DNAH9: variants seen among roughly 807,000 people sequenced by gnomAD.
The protein encoded by DNAH9 is DNAH9 variant protein.
In DNAH9, 345 loss-of-function variants were observed where a neutral mutation model predicts 471.6. The observed-to-expected ratio is 0.73, with a 90% CI of 0.67 to 0.80. The LOEUF is 0.80. Among genes scored for constraint, DNAH9 ranks in the 30% least tolerant of loss-of-function variants. The pLI, the probability that DNAH9 is intolerant of heterozygous loss-of-function variation, is 0.00. For synonymous variants in DNAH9, 2,093 were observed against 2,123.6 expected (o/e 0.99, Z 0.40); for missense variants, 5,407 against 5,609.2 (o/e 0.96, Z 1.15).
At chr17:11,745,154 C>T in intron 31 of DNAH9, 70 bp downstream of exon 31, 1 of 1,276,574 alleles carries the variant, frequency 7.8e-7, no homozygotes, top group Admixed American at 2.1e-5. Flanking sequence ...GGTTATCCTT[C>T]ATCCATAATC....
chr17:11,843,511 A>G (rs1211595639), intron 49 of DNAH9, among the ~76,000 whole-genome samples: 3 of 151,922 alleles, frequency 2.0e-5, no homozygotes, highest in Non-Finnish European at 2.9e-5. Flanking sequence ...TTTTGTAAGG[A>G]CACTATTTCT....
chr17:11,663,006 C>T (rs1043712575), intron 14 of DNAH9, among the ~76,000 whole-genome samples: 4 of 151,798 alleles, frequency 2.6e-5, no homozygotes, highest in Admixed American at 2.6e-4. Context: ...CCGCCCGCCT[C>T]GGCCTCCCAA....
rs149470470 is a variant in DNAH9, at chr17:11,882,113, C to T, written c.10806+700C>T. On this transcript the variant is annotated intron_variant, in intron 55 of 68. Transcript: ENST00000262442. ...GGCTGCCATAACAAAATACCATAGA[C>T]GGGGTGGCTTAAATAACACATATTT... is the stretch of plus-strand genomic sequence containing the variant. Among the ~76,000 whole-genome samples the T allele has an allele frequency of 3.8e-4, 58 of 152,314 alleles. 1 individual carries two copies. The highest frequency in any genetic ancestry group is 1.3e-3 in the African/African-American group (54 of 41,576).
Position 11,934,004 on chromosome 17 carries a change from AAGG to A in DNAH9, c.12425_12427del (p.Gly4142del), listed in dbSNP as rs1331516980. On this transcript the variant is annotated inframe_deletion, in exon 65 of 69. Transcript: ENST00000262442. Reference sequence around the variant, plus strand: ...GAATTCATTCGACCAGAAATGTTAGAAGGAGAACTGTCTTTGGCCCCAGGGTTC... The same window carrying A: ...GAATTCATTCGACCAGAAATGTTAGAAGAACTGTCTTTGGCCCCAGGGTTC... 2.4e-5 allele frequency: 38 copies of A among 1,614,060 alleles called. No individual in the cohort carries two copies. Among genetic ancestry groups the A allele is most frequent in the Non-Finnish European group, 3.1e-5 (37 of 1,180,034 alleles).
chr17:11,732,112 G>A (rs1193193770), intron 28 of DNAH9, among the ~76,000 whole-genome samples: 3 of 152,174 alleles, frequency 2.0e-5, no homozygotes, highest in African/African-American at 4.8e-5. Context: ...GTGCCCAACA[G>A]CCATTGTTGC....
chr17:11,608,537 C>T (rs1204150164), intron 2 of DNAH9, among the ~76,000 whole-genome samples: 2 of 152,224 alleles, frequency 1.3e-5, no homozygotes, highest in Non-Finnish European at 2.9e-5. Flanking sequence ...ATGAAGTCTT[C>T]CAAGGCTATT....
chr17:11,829,046 G>T (rs1261448754), intron 48 of DNAH9, among the ~76,000 whole-genome samples: 4 of 152,180 alleles, frequency 2.6e-5, no homozygotes. Context: ...AGCTCAGAGT[G>T]GGGGTGGAGG....
At chr17:11,760,378 A>G (rs777327642) in intron 35 of DNAH9, among the ~76,000 whole-genome samples, 22 of 152,086 alleles carry the variant, frequency 1.4e-4, no homozygotes, top group African/African-American at 4.6e-4. Flanking sequence ...TTGTTTGTGC[A>G]TGTGTGCCGG....
chr17:11,767,655 C>T (rs979409332), intron 36 of DNAH9, among the ~76,000 whole-genome samples: 1 of 151,754 alleles, frequency 6.6e-6, no homozygotes, highest in African/African-American at 2.4e-5. Flanking sequence ...ATGGGTTTGC[C>T]CTCCCAAAGA....
intron 28 of DNAH9, among the ~76,000 whole-genome samples, chr17:11,735,497 G>GCGATCTCGGCTCACTGCCA (rs1259131234): frequency 6.6e-6 from 1 of 151,856 alleles, no homozygotes; most frequent in Non-Finnish European, 1.5e-5. Flanking sequence ...GTGCAGTGGC[G>GCGATCTCGGCTCACTGCCA]CGATCTCGGC....
intron 29 of DNAH9, among the ~76,000 whole-genome samples, chr17:11,740,312 A>C (rs1458282746): frequency 6.6e-6 from 1 of 152,154 alleles, no homozygotes; most frequent in Non-Finnish European, 1.5e-5. Flanking sequence ...TGCCATAATA[A>C]AAATACTGCA....
Position 11,969,674 on chromosome 17 carries a change from A to G in DNAH9, c.*147A>G, listed in dbSNP as rs539061786. 3 of 693,730 alleles carry G rather than the reference A, an allele frequency of 4.3e-6. No homozygotes were observed. Among genetic ancestry groups the G allele is most frequent in the East Asian group, 2.7e-5 (1 of 36,640 alleles). The allele number at this position is 693,730 out of a possible 1,614,324, so 43.0% of individuals were successfully genotyped here. A position where few individuals can be genotyped will look rare whatever the true frequency, so the allele number is the denominator to read the frequency against. ...TGTAGAATTCCTCTAGGGAACTTGG[A>G]GAGGTGTGCCTAAGGTGAGGCTGAG... On this transcript the variant is annotated 3_prime_UTR_variant, in exon 69 of 69. Coordinates refer to ENST00000262442, the MANE Select transcript of DNAH9 (RefSeq NM_001372.4).
chr17:11,684,035 G>A lies in DNAH9; in HGVS notation c.3743+3146G>A, dbSNP rs1296393333. ...TGAGTTTAAATCTGGTTTCTCCACT[G>A]TTAAGTTATTTATGAATTTCTAAGT... On this transcript the variant is annotated intron_variant, in intron 19 of 68. Coordinates refer to ENST00000262442, the MANE Select transcript of DNAH9 (RefSeq NM_001372.4). Among the ~76,000 whole-genome samples the A allele has an allele frequency of 5.9e-5, 9 of 152,176 alleles. 1 individual carries two copies. Among genetic ancestry groups the A allele is most frequent in the Admixed American group, 5.9e-4 (9 of 15,274 alleles).
At chr17:11,720,975 T>G (rs1047987422) in intron 27 of DNAH9, among the ~76,000 whole-genome samples, 50 of 152,214 alleles carry the variant, frequency 3.3e-4, no homozygotes, top group African/African-American at 1.1e-3. Context: ...TTCTAGATTT[T>G]TCTATAGTTG....
At chr17:11,745,559 G>A (rs1164333230) in intron 31 of DNAH9, among the ~76,000 whole-genome samples, 4 of 152,012 alleles carry the variant, frequency 2.6e-5, no homozygotes, top group Non-Finnish European at 4.4e-5. Flanking sequence ...GAAGAAACCC[G>A]ACAACACGCA....
chr17:11,651,205 G>C lies in DNAH9; in HGVS notation c.2234G>C (p.Trp745Ser). Residue 745 changes from tryptophan to serine, a missense_variant, in exon 13 of 69, where the codon TGG (tryptophan) becomes TCG (serine). Physicochemically the swap from Trp to Ser is radical, Grantham distance 177. This residue lies in a region of DNAH9 where 4,636 missense variants were observed against 4,900.3 expected (regional missense o/e 0.95). Transcript: ENST00000262442. Reference protein sequence around the residue: ...LVANLELMANWYNKVMKTLLE... With the variant: ...LVANLELMANSYNKVMKTLLE... Reference sequence around the variant, plus strand: ...GCTAATTTAGAGTTGATGGCAAATTGGTACAACAAGGTTATGAAAACTCTG... The same window carrying C: ...GCTAATTTAGAGTTGATGGCAAATTCGTACAACAAGGTTATGAAAACTCTG... 2 of 1,614,040 alleles carry C rather than the reference G, an allele frequency of 1.2e-6. No individual in the cohort carries two copies. The highest frequency in any genetic ancestry group is 1.7e-6 in the Non-Finnish European group (2 of 1,180,014).
At chr17:11,877,667 A>C (rs1042807879) in intron 53 of DNAH9, among the ~76,000 whole-genome samples, 24 of 152,260 alleles carry the variant, frequency 1.6e-4, no homozygotes, top group African/African-American at 5.5e-4. Flanking sequence ...AATTGAACAC[A>C]TGATGTTAAA....
rs777068280 is a variant in DNAH9, at chr17:11,932,228, G to A, written c.12297+23G>A. On this transcript the variant is annotated intron_variant, in intron 64 of 68. Coordinates refer to ENST00000262442, the MANE Select transcript of DNAH9 (RefSeq NM_001372.4). This position sits in a 1 kb window ranked among gnomAD's most constrained non-coding sequence, Gnocchi z 4.3. ...AAGGTAAAGGCCATGGACATTCAGG[G>A]ACCAGCCAGGTTGGGAGAGGGTTAA... 4.4e-5 allele frequency: 70 copies of A among 1,606,464 alleles called. No individual in the cohort carries two copies. Among genetic ancestry groups the A allele is most frequent in the Non-Finnish European group, 5.7e-5 (67 of 1,174,886 alleles).
chr17:11,880,199 C>G lies in DNAH9; in HGVS notation c.10600C>G (p.Arg3534Gly). Residue 3534 changes from arginine to glycine, a missense_variant and splice_region_variant, in exon 54 of 69, where the codon CGA becomes GGA. Physicochemically the swap from Arg to Gly is moderately radical, Grantham distance 125. This residue lies in a region of DNAH9 where 4,636 missense variants were observed against 4,900.3 expected (regional missense o/e 0.95). Transcript: ENST00000262442. ...TGGGAGAGAAGTCATTAAAAAAGGA[C>G]GGTAAGACTCAGCTGTGTTGCTGAC... Reference protein sequence around the residue: ...LLGREVIKKGRFIKIGDKECE... With the variant: ...LLGREVIKKGGFIKIGDKECE... 1 of 1,613,000 alleles carries G rather than the reference C, an allele frequency of 6.2e-7. No homozygotes were observed. The highest frequency in any genetic ancestry group is 1.1e-5 in the South Asian group (1 of 91,028).
Sources: gnomAD v4.1 joint callset for allele counts (sites outside exome capture counted in the v4.1 genomes callset) on GRCh38, gnomAD v4.1.1 for gene constraint, gnomAD v4.1.1 regional missense constraint, Gnocchi (gnomAD v3.1) non-coding constraint, MANE v1.5 for transcripts, NCBI Gene and HGNC (gene_info 2026-07-23, HGNC 2026-07-21) for gene names.